The following CDK14 variants were observed in gnomAD, a reference collection of about 807,000 sequenced individuals.
CDK14 encodes the protein cyclin dependent kinase 14.
A neutral mutation model predicts 60.7 loss-of-function variants in CDK14; 34 were observed. The ratio of observed to expected loss-of-function variants is 0.56; its 90% CI spans 0.43 to 0.75. The LOEUF (loss-of-function observed/expected upper bound fraction) is 0.75, where lower values mean the gene tolerates loss of function less well. CDK14 is among the 30% of genes least tolerant of loss of function. CDK14 has a pLI of 0.00. For missense variants in CDK14, 482 were observed against 564.1 expected (o/e 0.85, Z 1.47); for synonymous variants, 197 against 203.7 (o/e 0.97, Z 0.28).
Position 91,118,178 on chromosome 7 carries a change from T to TG in CDK14, c.1409dup (p.Ter470TrpfsTer52). On this transcript the variant is annotated frameshift_variant and stop_lost, in exon 14 of 15. Transcript: ENST00000380050. LOFTEE classifies it high-confidence loss of function. ...CAAAAGTCTATCAAACAGCAAGCAC[T>TG]GACAAGCAGCACATTCTCAAGAGCA... The TG allele has an allele frequency of 6.3e-7, 1 of 1,594,312 alleles. No individual in the cohort carries two copies. Among genetic ancestry groups the TG allele is most frequent in the African/African-American group, 1.3e-5 (1 of 74,654 alleles).
At chr7:90,677,629 A>G (rs1240679928) in intron 2 of CDK14, among the ~76,000 whole-genome samples, 3 of 152,108 alleles carry the variant, frequency 2.0e-5, no homozygotes, top group Admixed American at 6.5e-5. Context: ...AGAATACATA[A>G]TATGTTTTCC....
rs1789796969 is a variant in CDK14 at position 90,828,382 on chromosome 7, C to T, written c.545-34793C>T. Among the ~76,000 whole-genome samples the T allele has an allele frequency of 2.6e-5, 4 of 152,194 alleles. No individual in the cohort carries two copies. In the South Asian group the frequency reaches 8.3e-4, roughly 32 times the overall value. On this transcript the variant is annotated intron_variant, in intron 5 of 14. Transcript: ENST00000380050. Reference sequence around the variant, plus strand: ...ATCACAATCGGAGGATTCTAAGTCTCTACCTTGAAGTAATTATTTTTCTAC... The same window carrying T: ...ATCACAATCGGAGGATTCTAAGTCTTTACCTTGAAGTAATTATTTTTCTAC...
chr7:90,688,862 C>T (rs1267840302), intron 2 of CDK14, among the ~76,000 whole-genome samples: 1 of 152,122 alleles, frequency 6.6e-6, no homozygotes, highest in Admixed American at 6.6e-5. Context: ...CACCCAAAAG[C>T]CATAATGAAT....
intron 14 of CDK14, among the ~76,000 whole-genome samples, chr7:91,156,567 C>T (rs965196579): frequency 3.3e-5 from 5 of 152,082 alleles, no homozygotes; most frequent in African/African-American, 7.2e-5. Context: ...GAAAATCAGC[C>T]GCAGAGCAGA....
intron 11 of CDK14, among the ~76,000 whole-genome samples, chr7:91,070,278 G>A (rs1400495651): frequency 6.6e-6 from 1 of 151,990 alleles, no homozygotes; most frequent in Non-Finnish European, 1.5e-5. Flanking sequence ...GCTGGTGGTG[G>A]TGGTGGTGGT....
chr7:90,889,723 TG>T (rs1792055758), intron 6 of CDK14, among the ~76,000 whole-genome samples: 2 of 152,184 alleles, frequency 1.3e-5, no homozygotes, highest in Admixed American at 1.3e-4. Flanking sequence ...CTTTCCTAAA[TG>T]GCTTAAAACC....
At chr7:91,000,819 T>C (rs576026159) in intron 10 of CDK14, among the ~76,000 whole-genome samples, 31 of 152,314 alleles carry the variant, frequency 2.0e-4, no homozygotes, top group Admixed American at 1.7e-3. Flanking sequence ...TGTTTATGCT[T>C]TGGGAAGTTC....
intron 10 of CDK14, among the ~76,000 whole-genome samples, chr7:90,999,122 G>T (rs1795771350): frequency 6.6e-6 from 1 of 151,902 alleles, no homozygotes; most frequent in African/African-American, 2.4e-5. Flanking sequence ...CCTCCCAAAG[G>T]CCCCATCTCC....
At chr7:90,955,603 C>T (rs896922644) in intron 8 of CDK14, 94 bp from the exon 9 acceptor site, 8 of 1,380,476 alleles carry the variant, frequency 5.8e-6, no homozygotes, top group African/African-American at 4.3e-5. Context: ...ATTAAAAGGT[C>T]GGGTTTGACC....
At chr7:90,766,753 G>C (rs533680453) in intron 4 of CDK14, among the ~76,000 whole-genome samples, 2 of 152,290 alleles carry the variant, frequency 1.3e-5, no homozygotes, top group East Asian at 3.9e-4. Flanking sequence ...ATAGCTGAAA[G>C]AACACTCGGG....
chr7:90,692,618 T>G, intron 2 of CDK14: 2 of 891,732 alleles, frequency 2.2e-6, no homozygotes, highest in Non-Finnish European at 2.7e-6. Context: ...GCATGAGGGC[T>G]CTGCCTGGTG....
chr7:91,004,284 A>G (rs978872343), intron 10 of CDK14, among the ~76,000 whole-genome samples: 5 of 152,254 alleles, frequency 3.3e-5, no homozygotes, highest in African/African-American at 1.2e-4. Context: ...AAGAAAAGAA[A>G]GAAGAGATGT....
chr7:90,610,050 A>C (rs1799506332), intron 2 of CDK14, among the ~76,000 whole-genome samples: 1 of 152,006 alleles, frequency 6.6e-6, no homozygotes, highest in Non-Finnish European at 1.5e-5. Context: ...TAGCTTTCTC[A>C]CTGCTGCTGT....
chr7:91,098,623 C>G (rs368265086), intron 12 of CDK14, among the ~76,000 whole-genome samples: 6 of 151,892 alleles, frequency 4.0e-5, no homozygotes, highest in South Asian at 2.1e-4. Context: ...AAGAAAAGTT[C>G]CTTTTTACAC....
At chr7:90,598,566 A>G (rs1464114672) in intron 1 of CDK14, among the ~76,000 whole-genome samples, 4 of 152,156 alleles carry the variant, frequency 2.6e-5, no homozygotes, top group Non-Finnish European at 5.9e-5. Flanking sequence ...GAGATATTGA[A>G]GTGATTATAG....
chr7:90,956,710 C>A (rs1284159223), intron 9 of CDK14, among the ~76,000 whole-genome samples: 2 of 151,908 alleles, frequency 1.3e-5, no homozygotes, highest in Non-Finnish European at 2.9e-5. Flanking sequence ...GTGCGCTGCA[C>A]CCACTAACTC....
intron 11 of CDK14, among the ~76,000 whole-genome samples, chr7:91,070,287 GTGGTGGTAGTGATGGTGA>G (rs1798104319): frequency 6.6e-6 from 1 of 152,080 alleles, no homozygotes; most frequent in African/African-American, 2.4e-5. Flanking sequence ...GGTGGTGGTG[GTGGTGGTAGTGATGGTGA>G]TGGTGGTGTT....
intron 14 of CDK14, among the ~76,000 whole-genome samples, chr7:91,159,235 A>T (rs1801091256): frequency 6.6e-6 from 1 of 152,222 alleles, no homozygotes; most frequent in Non-Finnish European, 1.5e-5. Context: ...CAATTTTGCC[A>T]AGAAAAATGA....
chr7:91,168,090 C>T (rs1180918547), intron 14 of CDK14, among the ~76,000 whole-genome samples: 3 of 151,910 alleles, frequency 2.0e-5, no homozygotes, highest in Non-Finnish European at 2.9e-5. Context: ...GGTAAAACCC[C>T]GTCTCTACTA....
Sources: gnomAD v4.1 joint callset for allele counts (sites outside exome capture counted in the v4.1 genomes callset) on GRCh38, gnomAD v4.1.1 for gene constraint, MANE v1.5 for transcripts, NCBI Gene and HGNC (gene_info 2026-07-23, HGNC 2026-07-21) for gene names.